Variants in ASPRV1 observed in about 807,000 individuals in gnomAD.
The protein encoded by ASPRV1 is aspartic peptidase retroviral like 1.
A neutral mutation model predicts 11.0 loss-of-function variants in ASPRV1; 7 were observed. That is an observed-to-expected ratio of 0.64 (90% CI 0.36 to 1.20). ASPRV1 has a LOEUF of 1.20. Among genes scored for constraint, ASPRV1 ranks in the 50% most tolerant of loss-of-function variants. ASPRV1 has a pLI of 0.02. For missense variants in ASPRV1, 299 were observed against 320.0 expected (o/e 0.93, Z 0.50); for synonymous variants, 136 against 138.4 (o/e 0.98, Z 0.12).
At chr2:70,046,709 G>A in the ASPRV1 span, 2 of 152,190 alleles carry the variant, frequency 1.3e-5, no homozygotes, top group Non-Finnish European at 2.9e-5. Context: ...AGCTTCAGCA[G>A]GTGGTATAAA....
the ASPRV1 span, among the ~76,000 whole-genome samples, chr2:69,943,439 G>C: frequency 6.6e-6 from 1 of 152,284 alleles, no homozygotes; most frequent in East Asian, 1.9e-4. Flanking sequence ...TGGGAAAGGA[G>C]CATTGCTGGG....
At chr2:69,937,297 A>C in the ASPRV1 span, 1 of 1,614,230 alleles carries the variant, frequency 6.2e-7, no homozygotes, top group Non-Finnish European at 8.5e-7. Flanking sequence ...GAGAGCAGCG[A>C]CACCTGAAGA....
At chr2:69,971,338 A>T in the ASPRV1 span, 3 of 152,092 alleles carry the variant, frequency 2.0e-5, no homozygotes, top group Non-Finnish European at 2.9e-5. Flanking sequence ...AACTCTTTTA[A>T]TGACACTGAA....
At chr2:69,949,254 C>CGAATGAATGAATGAAT in the ASPRV1 span, among the ~76,000 whole-genome samples, 8 of 150,570 alleles carry the variant, frequency 5.3e-5, no homozygotes, top group African/African-American at 7.4e-5. Context: ...GATGGATGGG[C>CGAATGAATGAATGAAT]GAATGAATGA....
At chr2:70,023,748 CTTTTT>C in the ASPRV1 span, among the ~76,000 whole-genome samples, 2 of 150,164 alleles carry the variant, frequency 1.3e-5, no homozygotes, top group Middle Eastern at 3.2e-3. Context: ...ATGTAGATTT[CTTTTT>C]TAAAAGTCCT....
the ASPRV1 span, among the ~76,000 whole-genome samples, chr2:69,971,433 C>T: frequency 6.6e-6 from 1 of 152,126 alleles, no homozygotes; most frequent in African/African-American, 2.4e-5. Flanking sequence ...GGGCTCCCAG[C>T]AAGGGATCAA....
chr2:70,036,628 G>A, the ASPRV1 span, among the ~76,000 whole-genome samples: 1 of 152,058 alleles, frequency 6.6e-6, no homozygotes, highest in Non-Finnish European at 1.5e-5. Flanking sequence ...AAACACACAG[G>A]ATTCTGTTAC....
the ASPRV1 span, chr2:70,081,365 C>CA: frequency 6.6e-6 from 1 of 151,990 alleles, no homozygotes; most frequent in Non-Finnish European, 1.5e-5. Flanking sequence ...CATGGTGGAA[C>CA]ACGCCTGTAG....
At chr2:70,003,932 C>A in the ASPRV1 span, among the ~76,000 whole-genome samples, 2 of 152,168 alleles carry the variant, frequency 1.3e-5, no homozygotes, top group Admixed American at 1.3e-4. Context: ...GCTGACGCAG[C>A]AAAGCCCCTC....
At chr2:69,988,698 T>C in the ASPRV1 span, 1 of 447,668 alleles carries the variant, frequency 2.2e-6, no homozygotes, top group Non-Finnish European at 4.5e-6. Context: ...ATATATATTT[T>C]ACCACAATTA....
the ASPRV1 span, among the ~76,000 whole-genome samples, chr2:70,058,695 G>C: frequency 2.6e-5 from 4 of 151,502 alleles, no homozygotes; most frequent in Admixed American, 2.0e-4. Context: ...TGGGATTACA[G>C]GCGCCTGCCA....
chr2:69,933,320 G>A, the ASPRV1 span, among the ~76,000 whole-genome samples: 1 of 150,818 alleles, frequency 6.6e-6, no homozygotes, highest in Non-Finnish European at 1.5e-5. Context: ...CTAATAACAT[G>A]ATCTATTTTC....
the ASPRV1 span, among the ~76,000 whole-genome samples, chr2:70,080,469 T>C: frequency 1.3e-5 from 2 of 152,152 alleles, no homozygotes; most frequent in African/African-American, 2.4e-5. Flanking sequence ...TCAGGTGATC[T>C]GCCCGCCTCG....
At chr2:69,933,307 T>C in the ASPRV1 span, among the ~76,000 whole-genome samples, 1 of 152,176 alleles carries the variant, frequency 6.6e-6, no homozygotes, top group African/African-American at 2.4e-5. Flanking sequence ...TCTCATAGTG[T>C]TTCTAATAAC....
chr2:70,048,967 A>G, the ASPRV1 span: 1 of 151,910 alleles, frequency 6.6e-6, no homozygotes, highest in African/African-American at 2.4e-5. Context: ...ACTTTCCAGT[A>G]CAACTTCATC....
the ASPRV1 span, among the ~76,000 whole-genome samples, chr2:69,947,230 G>C: frequency 6.6e-6 from 1 of 152,230 alleles, no homozygotes; most frequent in African/African-American, 2.4e-5. Flanking sequence ...GTGTGGCCCA[G>C]AAGAGGTATC....
chr2:70,043,006 C>A, the ASPRV1 span, among the ~76,000 whole-genome samples: 1 of 152,184 alleles, frequency 6.6e-6, no homozygotes, highest in African/African-American at 2.4e-5. Flanking sequence ...CAGAAAGGCA[C>A]TGAGATTTGA....
At chr2:69,961,743 CG>C, upstream of ASPRV1, 1 of 1,503,680 alleles carries the variant, frequency 6.7e-7, no homozygotes, top group Non-Finnish European at 8.9e-7. Flanking sequence ...TGCCAGCATC[CG>C]GCCGGACTAG....
the ASPRV1 span, among the ~76,000 whole-genome samples, chr2:70,085,201 A>C: frequency 6.6e-6 from 1 of 152,222 alleles, no homozygotes; most frequent in African/African-American, 2.4e-5. Flanking sequence ...TGACGGAAGC[A>C]AGTCAGTCAT....
Sources: allele counts gnomAD v4.1 joint callset (sites outside exome capture counted in the v4.1 genomes callset), GRCh38; gene constraint gnomAD v4.1.1; transcripts MANE v1.5; gene names NCBI Gene and HGNC (gene_info 2026-07-23, HGNC 2026-07-21).